The following SKP2 variants were observed in gnomAD, a reference collection of about 807,000 sequenced individuals.
The protein encoded by SKP2 is S-phase kinase associated protein 2, also known as S-phase kinase-associated protein 2.
Under a neutral mutation model 51.8 loss-of-function variants are expected in SKP2, and 16 were observed. The ratio of observed to expected loss-of-function variants is 0.31; its 90% confidence interval spans 0.21 to 0.47. The LOEUF (loss-of-function observed/expected upper bound fraction) is 0.47. Among genes scored for constraint, SKP2 ranks in the 20% least tolerant of loss-of-function variants. The pLI, the probability that SKP2 is intolerant of heterozygous loss-of-function variation, is 1.00. For synonymous variants in SKP2, 176 were observed against 198.6 expected (o/e 0.89, Z 0.96); for missense variants, 377 against 505.3 (o/e 0.75, Z 2.43).
Position 36,152,165 on chromosome 5 carries a change from A to C in SKP2, c.-98A>C. Reference sequence around the variant, plus strand: ...GGGTCTGGCTGCTGGGGGCCCGAGCAGCACGCTCGGAGCCGCCGCGCGCCA... The same window carrying C: ...GGGTCTGGCTGCTGGGGGCCCGAGCCGCACGCTCGGAGCCGCCGCGCGCCA... On this transcript the variant is annotated 5_prime_UTR_variant, in exon 1 of 10. Coordinates refer to ENST00000274255, the MANE Select transcript of SKP2 (RefSeq NM_005983.4). 7.7e-7 allele frequency: 1 copy of C among 1,292,442 alleles called. No homozygotes were observed. Among genetic ancestry groups the C allele is most frequent in the Non-Finnish European group, 1.1e-6 (1 of 889,210 alleles). The allele number at this position is 1,292,442 out of a possible 1,614,324, so 80.1% of individuals were successfully genotyped here. A position where few individuals can be genotyped will look rare whatever the true frequency, so the allele number is the denominator to read the frequency against.
intron 5 of SKP2, among the ~76,000 whole-genome samples, chr5:36,169,445 GA>G (rs3838319): frequency 6.7e-6 from 1 of 149,852 alleles, no homozygotes; most frequent in Non-Finnish European, 1.5e-5. Flanking sequence ...AACTCCATCT[GA>G]AAAAAAAATA....
intron 2 of SKP2, among the ~76,000 whole-genome samples, chr5:36,154,821 A>G (rs1406918410): frequency 6.6e-6 from 1 of 152,186 alleles, no homozygotes. Flanking sequence ...GATTACAGGC[A>G]TGAGCCACCA....
chr5:36,154,613 T>C (rs1442987550), intron 2 of SKP2, among the ~76,000 whole-genome samples: 2 of 152,166 alleles, frequency 1.3e-5, no homozygotes, highest in African/African-American at 2.4e-5. Context: ...TGGCTCACTG[T>C]CTTCACCTGG....
intron 6 of SKP2, among the ~76,000 whole-genome samples, chr5:36,192,161 T>C (rs903574238): frequency 4.6e-5 from 7 of 152,212 alleles, no homozygotes; most frequent in Non-Finnish European, 1.0e-4. Flanking sequence ...TACCTTAATG[T>C]AGAAAACTTA....
At chr5:36,192,727 C>T (rs1337762706) in intron 7 of SKP2, 2 of 152,210 alleles carry the variant, frequency 1.3e-5, no homozygotes, top group Non-Finnish European at 2.9e-5. Context: ...AATAACTAAT[C>T]ATTCTATGTC....
intron 7 of SKP2, chr5:36,192,880 A>G (rs1241259316): frequency 2.0e-5 from 3 of 152,214 alleles, no homozygotes; most frequent in Admixed American, 6.5e-5. Context: ...GTTAAAAAGA[A>G]GAGGTAACAG....
At chr5:36,185,128 T>A (rs1429685182), downstream of SKP2, among the ~76,000 whole-genome samples, 1 of 152,234 alleles carries the variant, frequency 6.6e-6, no homozygotes, top group African/African-American at 2.4e-5. Context: ...CTTGTAAATT[T>A]GTTTGAGTTC....
chr5:36,173,548 T>C (rs1211910559), intron 7 of SKP2, among the ~76,000 whole-genome samples: 1 of 152,186 alleles, frequency 6.6e-6, no homozygotes, highest in East Asian at 1.9e-4. Flanking sequence ...TTTTCTGACA[T>C]GAATCGAGGC....
intron 3 of SKP2, among the ~76,000 whole-genome samples, chr5:36,166,259 T>C (rs1745285033): frequency 6.6e-6 from 1 of 152,240 alleles, no homozygotes; most frequent in African/African-American, 2.4e-5. Context: ...ACGGCAGTGC[T>C]AATGTTCACA....
chr5:36,185,081 A>G (rs1229361286), downstream of SKP2, among the ~76,000 whole-genome samples: 1 of 152,154 alleles, frequency 6.6e-6, no homozygotes, highest in African/African-American at 2.4e-5. Flanking sequence ...GTGTCTGTTC[A>G]TATCCTTTGC....
At chr5:36,176,923 C>G (rs780153340) in intron 7 of SKP2, 42 bp from the exon 8 acceptor site, 9 of 1,303,896 alleles carry the variant, frequency 6.9e-6, no homozygotes, top group Non-Finnish European at 4.4e-6. Flanking sequence ...TTGTCTTGTT[C>G]CTCATTTAAT....
rs1745409045 is a variant in SKP2, at chr5:36,169,760, T to C, written c.672-584T>C. 4.6e-5 allele frequency among the ~76,000 whole-genome samples: 7 copies of C among 152,228 alleles called. 1 individual carries two copies. The South Asian group carries it at 1.4e-3, about 32-fold the overall frequency. The stretch of plus-strand genomic sequence containing the variant: ...TATGAAGTGTGATCTTGTTTCCTTT[T>C]TATAGTTGTGGAAACTGAGACACAG... On this transcript the variant is annotated intron_variant, in intron 5 of 9. Coordinates refer to ENST00000274255, the MANE Select transcript of SKP2 (RefSeq NM_005983.4).
At chr5:36,153,164 A>AT (rs1744805770) in intron 2 of SKP2, 122 bp downstream of exon 2, 4 of 868,470 alleles carry the variant, frequency 4.6e-6, no homozygotes, top group Non-Finnish European at 5.4e-6. Flanking sequence ...TTCTGAAGCT[A>AT]TTTTTCAACA....
intron 7 of SKP2, among the ~76,000 whole-genome samples, chr5:36,176,203 T>A (rs1246014490): frequency 6.6e-6 from 1 of 151,982 alleles, no homozygotes; most frequent in Non-Finnish European, 1.5e-5. Context: ...CAATGTAGAT[T>A]TGTTCATGTT....
Position 36,169,208 on chromosome 5 carries a change from G to A in SKP2, c.671+761G>A, listed in dbSNP as rs1188090768. ...ACCTGTAATCCCAGCACTTTGGGAG[G>A]CTAAGGTGGGCAGATCACCTGAGGT... is the stretch of plus-strand genomic sequence containing the variant. On this transcript the variant is annotated intron_variant, in intron 5 of 9. Transcript: ENST00000274255. Among the ~76,000 whole-genome samples the A allele has an allele frequency of 2.0e-5, 3 of 152,150 alleles. No homozygotes were observed. In the East Asian group the frequency reaches 5.8e-4, roughly 29 times the overall value.
At chr5:36,181,683 A>G in intron 9 of SKP2, 135 bp from the exon 10 acceptor site, 6 of 878,494 alleles carry the variant, frequency 6.8e-6, no homozygotes, top group Non-Finnish European at 1.1e-5. Flanking sequence ...CTATTTTCTC[A>G]AATCATTTAT....
At position 36,182,086 on chromosome 5, in the gene SKP2, G is replaced by A; in HGVS notation, c.*55G>A. 6.3e-7 allele frequency: 1 copy of A among 1,589,032 alleles called. No individual in the cohort carries two copies. The highest frequency in any genetic ancestry group is 1.8e-5 in the Admixed American group (1 of 56,696). On this transcript the variant is annotated 3_prime_UTR_variant, in exon 10 of 10. Transcript: ENST00000274255. Reference sequence around the variant, plus strand: ...TTAGAACAGGGAAAATAGGCAGGAAGCCCAATTGCTGGAGTACTTAGCTAG... The same window carrying A: ...TTAGAACAGGGAAAATAGGCAGGAAACCCAATTGCTGGAGTACTTAGCTAG...
intron 2 of SKP2, among the ~76,000 whole-genome samples, chr5:36,153,782 G>C (rs907181409): frequency 6.6e-6 from 1 of 152,156 alleles, no homozygotes; most frequent in Non-Finnish European, 1.5e-5. Context: ...AGAACTTACT[G>C]TATCTTCCCT....
intron 5 of SKP2, 42 bp downstream of exon 5, chr5:36,168,489 G>A (rs201813909): frequency 1.4e-4 from 217 of 1,604,124 alleles, no homozygotes; most frequent in Middle Eastern, 6.6e-4. Context: ...TTGATTTTAT[G>A]TGTATGAATT....
Sources: allele counts gnomAD v4.1 joint callset (sites outside exome capture counted in the v4.1 genomes callset), GRCh38; gene constraint gnomAD v4.1.1; transcripts MANE v1.5; gene names NCBI Gene and HGNC (gene_info 2026-07-23, HGNC 2026-07-21).